Variants in PCDH15 observed in about 807,000 individuals in gnomAD.
PCDH15 encodes the protein protocadherin-15.
Under a neutral mutation model 178.5 loss-of-function variants are expected in PCDH15, and 129 were observed. That is an observed-to-expected ratio of 0.72 (90% CI 0.63 to 0.84). The LOEUF is 0.84. PCDH15 is among the 40% of genes least tolerant of loss of function. The probability of loss-of-function intolerance (pLI) is 0.00; values close to 1 mark genes in which losing one functional copy is unlikely to be tolerated. For synonymous variants in PCDH15, 800 were observed against 732.0 expected, an observed-to-expected ratio of 1.09 and a Z score of -1.50; for missense variants, 2,230 against 2,099.9, an observed-to-expected ratio of 1.06 and a Z score of -1.21.
intron 2 of PCDH15, among the ~76,000 whole-genome samples, chr10:55,565,851 T>C (rs547022628): frequency 1.1e-4 from 16 of 151,768 alleles, no homozygotes; most frequent in African/African-American, 3.1e-4. Context: ...TAATAAAATA[T>C]CTCCTGACAA....
chr10:54,003,930 G>T (rs1162850255), intron 20 of PCDH15, among the ~76,000 whole-genome samples: 4 of 151,850 alleles, frequency 2.6e-5, no homozygotes, highest in Admixed American at 2.6e-4. Flanking sequence ...GTATTTAAAA[G>T]ATCATTAATC....
intron 8 of PCDH15, among the ~76,000 whole-genome samples, chr10:54,308,334 C>A (rs748909127): frequency 1.1e-4 from 16 of 152,040 alleles, no homozygotes; most frequent in Admixed American, 1.3e-4. Flanking sequence ...GAACAAACTC[C>A]TTAACAAGAA....
At chr10:54,380,814 T>G (rs1054385086) in intron 3 of PCDH15, among the ~76,000 whole-genome samples, 1 of 147,132 alleles carries the variant, frequency 6.8e-6, no homozygotes, top group African/African-American at 2.5e-5. Context: ...AGCAAATAGT[T>G]TATAACCAGA....
intron 3 of PCDH15, among the ~76,000 whole-genome samples, chr10:54,448,973 A>G (rs1211902909): frequency 6.6e-6 from 1 of 151,774 alleles, no homozygotes; most frequent in Non-Finnish European, 1.5e-5. Flanking sequence ...CTCTATTGGT[A>G]CTGTTAACTG....
chr10:54,821,839 AT>A (rs926241403), intron 3 of PCDH15, among the ~76,000 whole-genome samples: 12 of 151,572 alleles, frequency 7.9e-5, no homozygotes, highest in East Asian at 1.9e-4. Flanking sequence ...TTTTGGAGGA[AT>A]TTTTTTTTAT....
intron 2 of PCDH15, among the ~76,000 whole-genome samples, chr10:55,358,374 G>A (rs1184200233): frequency 6.6e-6 from 1 of 152,012 alleles, no homozygotes; most frequent in Admixed American, 6.6e-5. Context: ...GAATAAAAAT[G>A]ACCTTCAGAT....
intron 2 of PCDH15, among the ~76,000 whole-genome samples, chr10:54,909,334 G>A (rs190420008): frequency 3.3e-5 from 5 of 152,178 alleles, no homozygotes; most frequent in Non-Finnish European, 7.4e-5. Flanking sequence ...AATGCCAAGG[G>A]GTGCCTGCAG....
intron 2 of PCDH15, among the ~76,000 whole-genome samples, chr10:54,965,017 T>G (rs1455499452): frequency 2.0e-5 from 3 of 152,188 alleles, no homozygotes; most frequent in African/African-American, 7.2e-5. Context: ...TTTGATAAAT[T>G]ACATTTTACT....
chr10:55,004,085 A>G (rs2131933812), intron 2 of PCDH15, among the ~76,000 whole-genome samples: 1 of 152,292 alleles, frequency 6.6e-6, no homozygotes, highest in South Asian at 2.1e-4. Flanking sequence ...GCCAAGTGTA[A>G]TGGGACTGAA....
At chr10:54,356,229 A>T (rs1460700006) in intron 5 of PCDH15, among the ~76,000 whole-genome samples, 1 of 152,080 alleles carries the variant, frequency 6.6e-6, no homozygotes, top group Non-Finnish European at 1.5e-5. Flanking sequence ...CATTTTTGAA[A>T]CATTCATGCA....
At chr10:55,497,308 A>C (rs1225838356) in intron 2 of PCDH15, among the ~76,000 whole-genome samples, 2 of 150,600 alleles carry the variant, frequency 1.3e-5, no homozygotes, top group Admixed American at 1.3e-4. Flanking sequence ...TTTTTTTTTT[A>C]ATTTTTTGTA....
At chr10:53,990,819 G>A (rs1239157963) in intron 21 of PCDH15, among the ~76,000 whole-genome samples, 1 of 152,046 alleles carries the variant, frequency 6.6e-6, no homozygotes, top group African/African-American at 2.4e-5. Context: ...AGGGAGAGGT[G>A]CAGGTGGGAA....
rs545393150 is a variant in PCDH15, at chr10:54,560,030, T to G, written c.92-32153A>C. 1.1e-3 allele frequency among the ~76,000 whole-genome samples: 167 copies of G among 152,108 alleles called. 1 individual carries two copies. Among genetic ancestry groups the G allele is most frequent in the Non-Finnish European group, 1.9e-3 (131 of 67,920 alleles). On this transcript the variant is annotated intron_variant, in intron 2 of 37. Transcript: ENST00000644397. ...AAAGAGATCAATTTATGTAACTCAATTTGTTGTCTTTAAAGGAGTTTAACA... is the reference window on the plus strand; with the variant it reads ...AAAGAGATCAATTTATGTAACTCAAGTTGTTGTCTTTAAAGGAGTTTAACA...
At chr10:54,731,541 GATAGAT>G (rs369218834) in intron 1 of PCDH15, among the ~76,000 whole-genome samples, 946 of 68,298 alleles carry the variant, frequency 0.014, 67 homozygotes, top group African/African-American at 0.04. Flanking sequence ...GAAAATGTGA[GATAGAT>G]ATATATATAT....
At chr10:54,518,013 C>T (rs557130815) in intron 3 of PCDH15, among the ~76,000 whole-genome samples, 48 of 152,144 alleles carry the variant, frequency 3.2e-4, no homozygotes, top group African/African-American at 9.2e-4. Context: ...TTCAAAACAA[C>T]GAGAACAAAG....
In PCDH15 at chr10:55,146,603, A is replaced by G. The variant is rs539326078; in HGVS notation, c.-80+19973T>C. On this transcript the variant is annotated intron_variant, in intron 2 of 5. Coordinates refer to the PCDH15 transcript ENST00000458638. ...AAGACATTAATAAAACAAGTGTTGT[A>G]TTAAGTTATACATGAAAGAGCTTGC... Among the ~76,000 whole-genome samples, 267 of 152,054 alleles carry G rather than the reference A, an allele frequency of 1.8e-3. 7 individuals are homozygous for G. In the South Asian group the frequency reaches 0.054, roughly 31 times the overall value.
intron 2 of PCDH15, among the ~76,000 whole-genome samples, chr10:55,534,741 TA>T (rs951130447): frequency 6.6e-6 from 1 of 152,022 alleles, no homozygotes; most frequent in African/African-American, 2.4e-5. Flanking sequence ...AATAAATCAT[TA>T]TACCAAAAAC....
intron 1 of PCDH15, among the ~76,000 whole-genome samples, chr10:55,311,092 G>A (rs1399922014): frequency 2.6e-5 from 4 of 152,134 alleles, no homozygotes; most frequent in Non-Finnish European, 5.9e-5. Flanking sequence ...TTATTTTATG[G>A]TGTGTTATAA....
chr10:53,962,947 C>T (rs937421178), intron 21 of PCDH15, among the ~76,000 whole-genome samples: 1 of 152,052 alleles, frequency 6.6e-6, no homozygotes, highest in African/African-American at 2.4e-5. Flanking sequence ...ATATCTTGAG[C>T]AGAGAACTAG....
Sources: gnomAD v4.1 joint callset for allele counts (sites outside exome capture counted in the v4.1 genomes callset) on GRCh38, gnomAD v4.1.1 for gene constraint, MANE v1.5 for transcripts, NCBI Gene and HGNC (gene_info 2026-07-23, HGNC 2026-07-21) for gene names.